Variants in LRRIQ3 observed in about 807,000 individuals in gnomAD.
LRRIQ3 encodes leucine rich repeats and IQ motif containing 3.
A neutral mutation model predicts 59.3 loss-of-function variants in LRRIQ3; 75 were observed. That is an observed-to-expected ratio of 1.26 (90% CI 1.05 to 1.53). The LOEUF (loss-of-function observed/expected upper bound fraction) is 1.53. LRRIQ3 is among the 40% of genes most tolerant of loss of function. The pLI is 0.00. For synonymous variants in LRRIQ3, 250 were observed against 231.3 expected (o/e 1.08, Z -0.73); for missense variants, 831 against 710.0 (o/e 1.17, Z -1.94).
At chr1:74,090,034 C>G (rs1164889192) in intron 5 of LRRIQ3, among the ~76,000 whole-genome samples, 1 of 151,978 alleles carries the variant, frequency 6.6e-6, no homozygotes, top group Non-Finnish European at 1.5e-5. Context: ...TTTACTATTT[C>G]TAGTGGTAAC....
intron 4 of LRRIQ3, among the ~76,000 whole-genome samples, chr1:74,135,544 A>G (rs1187474565): frequency 6.6e-6 from 1 of 151,932 alleles, no homozygotes; most frequent in African/African-American, 2.4e-5. Context: ...TCAACAAAGT[A>G]TGTTCAGTAA....
chr1:74,194,864 T>A lies in LRRIQ3; in HGVS notation c.-1+3132A>T, dbSNP rs1651000005. ...TGTCATAAATATTGTATTACATTAA[T>A]TAAAATTTAATTCTTGACTCTACTA... On this transcript the variant is annotated intron_variant, in intron 1 of 7. Transcript: ENST00000354431. Among the ~76,000 whole-genome samples, 2 of 152,220 alleles carry A rather than the reference T, an allele frequency of 1.3e-5. 1 individual carries two copies. The highest frequency in any genetic ancestry group is 4.1e-4 in the South Asian group (2 of 4,830).
intron 4 of LRRIQ3, among the ~76,000 whole-genome samples, chr1:74,112,653 A>G (rs1273972577): frequency 6.6e-6 from 1 of 152,144 alleles, no homozygotes; most frequent in Non-Finnish European, 1.5e-5. Context: ...AAATCAGAGA[A>G]GACAGTCAAA....
chr1:74,183,029 C>A, intron 2 of LRRIQ3, 168 bp from the exon 3 acceptor site: 1 of 442,456 alleles, frequency 2.3e-6, no homozygotes, highest in Non-Finnish European at 3.9e-6. Context: ...AGTTGAAAAC[C>A]ATAATACACT....
intron 4 of LRRIQ3, among the ~76,000 whole-genome samples, chr1:74,110,854 G>A (rs1273244829): frequency 5.3e-5 from 8 of 151,856 alleles, no homozygotes; most frequent in Non-Finnish European, 1.0e-4. Context: ...GACCAGTCTA[G>A]GCTAGTGGAG....
rs554550575 is a variant in LRRIQ3 at position 74,175,407 on chromosome 1, G to C, written c.573+7131C>G. The stretch of plus-strand genomic sequence containing the variant: ...GTGCTAATTCTCCCATATTCTGACT[G>C]AGGCAAGATAGAAGTGCACTTCTCA... On this transcript the variant is annotated intron_variant, in intron 3 of 7. Transcript: ENST00000354431. Among the ~76,000 whole-genome samples, 3 of 152,194 alleles carry C rather than the reference G, an allele frequency of 2.0e-5. No homozygotes were observed. The South Asian group carries it at 6.2e-4, about 32-fold the overall frequency.
intron 7 of LRRIQ3, among the ~76,000 whole-genome samples, chr1:74,027,634 C>A (rs1032028144): frequency 3.3e-5 from 5 of 152,068 alleles, no homozygotes; most frequent in Non-Finnish European, 5.9e-5. Flanking sequence ...AGCCACCCAG[C>A]CTGTGATATT....
At chr1:74,114,639 G>A (rs1470432569) in intron 4 of LRRIQ3, among the ~76,000 whole-genome samples, 1 of 151,858 alleles carries the variant, frequency 6.6e-6, no homozygotes, top group Non-Finnish European at 1.5e-5. Flanking sequence ...AGGAGGCTGA[G>A]GCAGGAGAAT....
chr1:74,048,478 T>G (rs897929683), intron 6 of LRRIQ3, among the ~76,000 whole-genome samples: 10 of 152,164 alleles, frequency 6.6e-5, no homozygotes, highest in Admixed American at 5.2e-4. Flanking sequence ...CAGCAGCTAC[T>G]TAAAATTACA....
intron 3 of LRRIQ3, among the ~76,000 whole-genome samples, chr1:74,169,775 C>T (rs1304331047): frequency 1.3e-5 from 2 of 152,082 alleles, no homozygotes; most frequent in Non-Finnish European, 2.9e-5. Context: ...GTCTTGAACT[C>T]CTGGCCTCAA....
chr1:74,036,346 T>A (rs998349757), intron 7 of LRRIQ3, among the ~76,000 whole-genome samples: 2 of 152,146 alleles, frequency 1.3e-5, no homozygotes, highest in African/African-American at 4.8e-5. Flanking sequence ...CCTTGCTTGG[T>A]ACCCCTCATC....
intron 4 of LRRIQ3, among the ~76,000 whole-genome samples, chr1:74,150,440 T>C (rs565366019): frequency 6.6e-6 from 1 of 152,302 alleles, no homozygotes; most frequent in Non-Finnish European, 1.5e-5. Context: ...GAAATTGTAA[T>C]ATATAGTGAT....
intron 4 of LRRIQ3, among the ~76,000 whole-genome samples, chr1:74,137,728 T>G (rs912385924): frequency 6.6e-6 from 1 of 151,778 alleles, no homozygotes. Flanking sequence ...ATAAAGAAAA[T>G]GTGGCACATA....
chr1:74,147,213 G>A (rs549903223), intron 4 of LRRIQ3, among the ~76,000 whole-genome samples: 1 of 152,050 alleles, frequency 6.6e-6, no homozygotes, highest in Non-Finnish European at 1.5e-5. Context: ...TGGACTACAG[G>A]TAAGACTCTG....
At chr1:74,032,066 G>T (rs1173704688) in intron 7 of LRRIQ3, among the ~76,000 whole-genome samples, 1 of 151,582 alleles carries the variant, frequency 6.6e-6, no homozygotes, top group Non-Finnish European at 1.5e-5. Context: ...TGGATCTATG[G>T]ATAAATAAAA....
At chr1:74,074,900 A>T (rs1344404436) in intron 5 of LRRIQ3, 110 bp from the exon 6 acceptor site, 1 of 538,608 alleles carries the variant, frequency 1.9e-6, no homozygotes, top group Non-Finnish European at 2.9e-6. Context: ...CATTTAAAAC[A>T]TGAAAACAAA....
chr1:74,128,109 T>A (rs1253158320), intron 4 of LRRIQ3, among the ~76,000 whole-genome samples: 1 of 152,028 alleles, frequency 6.6e-6, no homozygotes, highest in African/African-American at 2.4e-5. Flanking sequence ...TCCATGTATG[T>A]GAATTGTTTC....
chr1:74,085,789 A>G (rs564550500), intron 5 of LRRIQ3, among the ~76,000 whole-genome samples: 1 of 152,138 alleles, frequency 6.6e-6, no homozygotes, highest in South Asian at 2.1e-4. Flanking sequence ...AGAAGGACAT[A>G]TAGTGATGCT....
intron 7 of LRRIQ3, among the ~76,000 whole-genome samples, chr1:74,035,899 C>A (rs1653855509): frequency 6.6e-6 from 1 of 152,144 alleles, no homozygotes; most frequent in Non-Finnish European, 1.5e-5. Flanking sequence ...CACCTCTCTA[C>A]TATAATGGTC....
Sources: allele counts gnomAD v4.1 joint callset (sites outside exome capture counted in the v4.1 genomes callset), GRCh38; gene constraint gnomAD v4.1.1; transcripts MANE v1.5; gene names NCBI Gene and HGNC (gene_info 2026-07-23, HGNC 2026-07-21).